CCSER1: variants seen among roughly 807,000 people sequenced by gnomAD.
CCSER1 encodes serine-rich coiled-coil domain-containing protein 1.
A neutral mutation model predicts 82.0 loss-of-function variants in CCSER1; 41 were observed. The ratio of observed to expected loss-of-function variants is 0.50; its 90% CI spans 0.39 to 0.65. CCSER1 has a LOEUF of 0.65. Ranked by LOEUF, CCSER1 falls within the 30% of genes least tolerant of loss-of-function variation. CCSER1 has a pLI of 0.00. For synonymous variants in CCSER1, 414 were observed against 383.9 expected (o/e 1.08, Z -0.92); for missense variants, 1,119 against 1,064.2 (o/e 1.05, Z -0.72).
intron 9 of CCSER1, among the ~76,000 whole-genome samples, chr4:90,930,907 ATT>A (rs1191773594): frequency 5.4e-5 from 4 of 73,878 alleles, no homozygotes; most frequent in Non-Finnish European, 1.2e-4. Context: ...ATTTATCCTT[ATT>A]TTATATATAT....
intron 9 of CCSER1, among the ~76,000 whole-genome samples, chr4:91,070,022 T>C (rs1451507166): frequency 1.3e-5 from 2 of 151,890 alleles, no homozygotes; most frequent in African/African-American, 2.4e-5. Context: ...TCTTGCTCTG[T>C]CACCCAGGCT....
At chr4:91,013,741 T>G (rs1739197118) in intron 9 of CCSER1, among the ~76,000 whole-genome samples, 2 of 126,398 alleles carry the variant, frequency 1.6e-5, no homozygotes, top group Admixed American at 8.1e-5. Flanking sequence ...CAGCTGGGAC[T>G]CCAGGCACCT....
chr4:90,632,919 G>C (rs1052849264), intron 6 of CCSER1, among the ~76,000 whole-genome samples: 3 of 152,048 alleles, frequency 2.0e-5, no homozygotes, highest in Admixed American at 2.0e-4. Flanking sequence ...ACTCATTGCT[G>C]TCAGGCTAAA....
intron 9 of CCSER1, among the ~76,000 whole-genome samples, chr4:91,047,512 C>T (rs1034882659): frequency 2.6e-5 from 4 of 152,058 alleles, no homozygotes; most frequent in African/African-American, 4.8e-5. Context: ...ACCTATTTTC[C>T]CTCCCACTCA....
chr4:91,057,343 C>T (rs978089976), intron 9 of CCSER1, among the ~76,000 whole-genome samples: 1 of 152,144 alleles, frequency 6.6e-6, no homozygotes, highest in Non-Finnish European at 1.5e-5. Context: ...CAGACAGATT[C>T]TCTCAGTGTA....
At chr4:90,345,821 A>G (rs1314334419) in intron 3 of CCSER1, among the ~76,000 whole-genome samples, 1 of 152,120 alleles carries the variant, frequency 6.6e-6, no homozygotes, top group African/African-American at 2.4e-5. Flanking sequence ...TAATTATTGT[A>G]AAACAGAAAT....
chr4:90,320,499 T>C (rs1736948267), intron 3 of CCSER1, among the ~76,000 whole-genome samples: 1 of 152,176 alleles, frequency 6.6e-6, no homozygotes, highest in Non-Finnish European at 1.5e-5. Context: ...ATAGAATGGT[T>C]TCTAGGATTA....
At chr4:91,387,006 G>A (rs1293679177) in intron 10 of CCSER1, among the ~76,000 whole-genome samples, 1 of 151,904 alleles carries the variant, frequency 6.6e-6, no homozygotes, top group Non-Finnish European at 1.5e-5. Context: ...ACAGGATCCT[G>A]TATAGGAGGA....
At chr4:91,106,687 TG>T (rs1010924775) in intron 10 of CCSER1, among the ~76,000 whole-genome samples, 1 of 152,216 alleles carries the variant, frequency 6.6e-6, no homozygotes, top group African/African-American at 2.4e-5. Flanking sequence ...CTCTGTCTTT[TG>T]GAAAATGGAC....
At chr4:90,325,712 G>T (rs772631331) in intron 3 of CCSER1, 2 of 411,708 alleles carry the variant, frequency 4.9e-6, no homozygotes, top group Non-Finnish European at 1.0e-5. Flanking sequence ...TCTGAGGTTT[G>T]TACATTATTC....
intron 10 of CCSER1, among the ~76,000 whole-genome samples, chr4:91,180,808 C>T (rs1581723402): frequency 6.6e-6 from 1 of 152,272 alleles, no homozygotes. Flanking sequence ...GAGCTGAGAG[C>T]CCCTAACAGG....
At chr4:90,249,995 T>C (rs1289646886) in intron 1 of CCSER1, among the ~76,000 whole-genome samples, 2 of 152,164 alleles carry the variant, frequency 1.3e-5, no homozygotes, top group South Asian at 2.1e-4. Flanking sequence ...TAATGGCTAA[T>C]TATGTTGAGC....
At chr4:90,292,309 G>A (rs2153466924) in intron 1 of CCSER1, among the ~76,000 whole-genome samples, 1 of 151,840 alleles carries the variant, frequency 6.6e-6, no homozygotes, top group East Asian at 1.9e-4. Flanking sequence ...ATATATATGA[G>A]TATATATGTG....
chr4:90,511,380 T>C (rs1771481421), intron 5 of CCSER1, among the ~76,000 whole-genome samples: 1 of 152,124 alleles, frequency 6.6e-6, no homozygotes. Flanking sequence ...ATTGCACCAC[T>C]GCACTCCAAC....
At chr4:90,578,377 A>G (rs1426698004) in intron 5 of CCSER1, among the ~76,000 whole-genome samples, 1 of 152,096 alleles carries the variant, frequency 6.6e-6, no homozygotes, top group Admixed American at 6.6e-5. Context: ...GAGGCCACCT[A>G]TATTCCTTGA....
intron 3 of CCSER1, among the ~76,000 whole-genome samples, chr4:90,354,571 A>G: frequency 6.6e-6 from 1 of 152,160 alleles, no homozygotes; most frequent in East Asian, 1.9e-4. Flanking sequence ...GTGTATGTAT[A>G]TCAAATCATC....
intron 10 of CCSER1, among the ~76,000 whole-genome samples, chr4:91,495,214 A>C (rs1758737505): frequency 1.3e-5 from 2 of 151,744 alleles, no homozygotes; most frequent in Admixed American, 1.3e-4. Flanking sequence ...AAATGAGGAA[A>C]GACAGTCATT....
intron 5 of CCSER1, among the ~76,000 whole-genome samples, chr4:90,572,717 G>A (rs547935785): frequency 8.1e-4 from 123 of 151,758 alleles, no homozygotes; most frequent in Admixed American, 1.2e-3. Context: ...TTCTCATTCC[G>A]TTCACATGTT....
intron 9 of CCSER1, among the ~76,000 whole-genome samples, chr4:90,973,610 CA>C (rs1455426538): frequency 4.0e-5 from 6 of 151,494 alleles, no homozygotes; most frequent in African/African-American, 1.2e-4. Flanking sequence ...GAGATTCCTC[CA>C]AAAGTTAGAC....
Sources: gnomAD v4.1 joint callset for allele counts (sites outside exome capture counted in the v4.1 genomes callset) on GRCh38, gnomAD v4.1.1 for gene constraint, MANE v1.5 for transcripts, NCBI Gene and HGNC (gene_info 2026-07-23, HGNC 2026-07-21) for gene names.